Variants in SORCS2 observed in about 807,000 individuals in gnomAD.
The protein encoded by SORCS2 is VPS10 domain-containing receptor SorCS2.
A neutral mutation model predicts 141.6 loss-of-function variants in SORCS2; 100 were observed. The ratio of observed to expected loss-of-function variants is 0.71; its 90% CI spans 0.60 to 0.83. The LOEUF (loss-of-function observed/expected upper bound fraction) is 0.83. Ranked by LOEUF, SORCS2 falls within the 40% of genes least tolerant of loss-of-function variation. The pLI, the probability that SORCS2 is intolerant of heterozygous loss-of-function variation, is 0.00. For synonymous variants in SORCS2, 789 were observed against 676.9 expected, an observed-to-expected ratio of 1.17 and a Z score of -2.57; for missense variants, 1,646 against 1,560.2, an observed-to-expected ratio of 1.05 and a Z score of -0.93.
At chr4:7,270,474 C>T (rs574080560) in intron 1 of SORCS2, among the ~76,000 whole-genome samples, 3 of 152,226 alleles carry the variant, frequency 2.0e-5, no homozygotes, top group Non-Finnish European at 4.4e-5. Context: ...GGTCTGGTTC[C>T]CTCCAGCGCT....
intron 1 of SORCS2, among the ~76,000 whole-genome samples, chr4:7,320,139 C>A (rs1487380019): frequency 4.0e-5 from 6 of 151,278 alleles, no homozygotes; most frequent in African/African-American, 1.5e-4. Flanking sequence ...TTTGTCTCTA[C>A]AAAAAAAATG....
At chr4:7,616,762 G>T (rs1718788969) in intron 3 of SORCS2, among the ~76,000 whole-genome samples, 1 of 152,216 alleles carries the variant, frequency 6.6e-6, no homozygotes, top group African/African-American at 2.4e-5. Context: ...ATAACTTAAA[G>T]AGCTTGTTTT....
At chr4:7,239,692 C>T (rs1240301654) in intron 1 of SORCS2, among the ~76,000 whole-genome samples, 3 of 152,224 alleles carry the variant, frequency 2.0e-5, no homozygotes, top group Admixed American at 6.5e-5. Context: ...TCTTATGGGT[C>T]ATTTCCTTCT....
chr4:7,213,263 C>T (rs1045412912), intron 1 of SORCS2, among the ~76,000 whole-genome samples: 1 of 131,032 alleles, frequency 7.6e-6, no homozygotes, highest in Admixed American at 7.1e-5. Context: ...CATTTTTAGT[C>T]ACTGTGCCCA....
chr4:7,676,307 C>G, intron 9 of SORCS2, 78 bp downstream of exon 9: 3 of 1,425,600 alleles, frequency 2.1e-6, no homozygotes, highest in South Asian at 1.3e-5. Context: ...TCTTCCTCCC[C>G]CCTCCCCTCC....
chr4:7,525,104 G>A (rs1439369291), intron 2 of SORCS2, among the ~76,000 whole-genome samples: 1 of 152,214 alleles, frequency 6.6e-6, no homozygotes, highest in African/African-American at 2.4e-5. Flanking sequence ...TTCATCATTA[G>A]ATATCATCAT....
intron 1 of SORCS2, among the ~76,000 whole-genome samples, chr4:7,365,180 C>T (rs1157892526): frequency 6.6e-6 from 1 of 152,174 alleles, no homozygotes; most frequent in Non-Finnish European, 1.5e-5. Flanking sequence ...CAGTGAGAGG[C>T]CACGGAGGTG....
intron 1 of SORCS2, among the ~76,000 whole-genome samples, chr4:7,299,244 C>T (rs1012510601): frequency 5.9e-5 from 9 of 152,218 alleles, no homozygotes; most frequent in African/African-American, 1.7e-4. Flanking sequence ...AGGCTGTGAG[C>T]GGGTGTGGAA....
chr4:7,573,552 C>G lies in SORCS2; in HGVS notation c.648+41923C>G, dbSNP rs34764075. ...TTTGTTTTTGAGACAGCATCTCGCT[C>G]TGTCGCCCAGGCTGAAGTGCAATGG... On this transcript the variant is annotated intron_variant, in intron 3 of 26. Transcript: ENST00000507866. Among the ~76,000 whole-genome samples, 366 of 152,308 alleles carry G rather than the reference C, an allele frequency of 2.4e-3. 2 individuals carry two copies. The highest frequency in any genetic ancestry group is 8.2e-3 in the African/African-American group (340 of 41,556).
At chr4:7,683,989 A>T (rs77804387) in intron 10 of SORCS2, among the ~76,000 whole-genome samples, 1 of 152,158 alleles carries the variant, frequency 6.6e-6, no homozygotes, top group Non-Finnish European at 1.5e-5. Context: ...GCCAGGGACC[A>T]GTGGATGCAA....
chr4:7,729,751 C>T, intron 23 of SORCS2, 39 bp downstream of exon 23: 1 of 1,594,402 alleles, frequency 6.3e-7, no homozygotes, highest in Non-Finnish European at 8.6e-7. Context: ...GTCCTCCCTG[C>T]ACATCCCAGG....
rs374964084 is a variant in SORCS2 at position 7,626,728 on chromosome 4, C to T, written c.649-11600C>T. Reference sequence around the variant, plus strand: ...ACCATCTGAAATGATCGTGTTCCTGCGTTTGTTTTCCTTCCTGTCTTTTGC... The same window carrying T: ...ACCATCTGAAATGATCGTGTTCCTGTGTTTGTTTTCCTTCCTGTCTTTTGC... On this transcript the variant is annotated intron_variant, in intron 3 of 26. Transcript: ENST00000507866. 6.6e-5 allele frequency among the ~76,000 whole-genome samples: 10 copies of T among 152,242 alleles called. No homozygotes were observed. In the East Asian group the frequency reaches 7.7e-4, roughly 12 times the overall value.
intron 17 of SORCS2, among the ~76,000 whole-genome samples, chr4:7,716,715 C>G (rs1207940426): frequency 1.3e-5 from 2 of 151,056 alleles, no homozygotes; most frequent in Admixed American, 1.3e-4. Context: ...ATCTACTTAT[C>G]TACCCATCTG....
At chr4:7,405,773 T>A (rs1724929241) in intron 2 of SORCS2, among the ~76,000 whole-genome samples, 1 of 152,134 alleles carries the variant, frequency 6.6e-6, no homozygotes, top group South Asian at 2.1e-4. Flanking sequence ...TAAGATCATG[T>A]CATCAGTAAA....
At chr4:7,667,070 T>C (rs1391018678) in intron 7 of SORCS2, 54 bp from the exon 8 acceptor site, 1 of 1,468,504 alleles carries the variant, frequency 6.8e-7, no homozygotes, top group East Asian at 2.3e-5. Context: ...TTCATGAGAC[T>C]GTGGCTGGAG....
intron 1 of SORCS2, among the ~76,000 whole-genome samples, chr4:7,380,469 C>G (rs1051139388): frequency 1.1e-5 from 1 of 94,360 alleles, no homozygotes; most frequent in Non-Finnish European, 2.3e-5. Context: ...GTTGGAGATT[C>G]TGAATTCAAA....
intron 2 of SORCS2, among the ~76,000 whole-genome samples, chr4:7,451,647 G>A (rs989232175): frequency 6.6e-6 from 1 of 152,280 alleles, no homozygotes; most frequent in Non-Finnish European, 1.5e-5. Context: ...CATGGGCACA[G>A]GTGGGGTTGA....
intron 2 of SORCS2, among the ~76,000 whole-genome samples, chr4:7,515,629 C>A (rs545644633): frequency 1.3e-5 from 2 of 152,226 alleles, no homozygotes; most frequent in East Asian, 3.9e-4. Flanking sequence ...GGAACCCACC[C>A]GTGCCCTGCA....
chr4:7,421,484 G>A (rs1418639861), intron 2 of SORCS2, among the ~76,000 whole-genome samples: 6 of 152,218 alleles, frequency 3.9e-5, no homozygotes, highest in Non-Finnish European at 5.9e-5. Context: ...GGTAATGGAT[G>A]TAAAACACAG....
Sources: allele counts gnomAD v4.1 joint callset (sites outside exome capture counted in the v4.1 genomes callset), GRCh38; gene constraint gnomAD v4.1.1; transcripts MANE v1.5; gene names NCBI Gene and HGNC (gene_info 2026-07-23, HGNC 2026-07-21).